Variants in PDE1C observed in about 807,000 individuals in gnomAD.
The protein encoded by PDE1C is dual specificity calcium/calmodulin-dependent 3',5'-cyclic nucleotide phosphodiesterase 1C.
Under a neutral mutation model 93.1 loss-of-function variants are expected in PDE1C, and 62 were observed. The observed-to-expected ratio is 0.67, with a 90% CI of 0.54 to 0.82. The LOEUF is 0.82. Among genes scored for constraint, PDE1C ranks in the 40% least tolerant of loss-of-function variants. PDE1C has a pLI of 0.00. For synonymous variants in PDE1C, 325 were observed against 310.1 expected, an observed-to-expected ratio of 1.05 and a Z score of -0.50; for missense variants, 742 against 884.6, an observed-to-expected ratio of 0.84 and a Z score of 2.04.
chr7:31,643,186 C>G, the PDE1C span: 1 of 1,613,982 alleles, frequency 6.2e-7, no homozygotes, highest in South Asian at 1.1e-5. Flanking sequence ...TGATCATACT[C>G]AAGACAAGTT....
At chr7:32,358,193 T>C (rs1467832552) in intron 1 of PDE1C, among the ~76,000 whole-genome samples, 2 of 152,224 alleles carry the variant, frequency 1.3e-5, no homozygotes, top group African/African-American at 4.8e-5. Flanking sequence ...ACCTAACAAA[T>C]ATTCCCAAAC....
At chr7:31,804,846 C>T (rs185141183) in intron 16 of PDE1C, among the ~76,000 whole-genome samples, 44 of 151,862 alleles carry the variant, frequency 2.9e-4, no homozygotes, top group African/African-American at 1.1e-3. Context: ...GTAAGTAGAA[C>T]CAGTACAGTG....
rs77393425 is a variant in PDE1C at position 32,229,163 on chromosome 7, A to G, written c.86-19624T>C. Among the ~76,000 whole-genome samples the G allele has an allele frequency of 5.9e-3, 900 of 152,306 alleles. 6 individuals carry two copies. The highest frequency in any genetic ancestry group is 0.021 in the African/African-American group (859 of 41,568). Reference sequence around the variant, plus strand: ...TCACATTTCAGAGCAACTTCTCTATATGAGTCCTGGGCTTTTTCCACATTA... The same window carrying G: ...TCACATTTCAGAGCAACTTCTCTATGTGAGTCCTGGGCTTTTTCCACATTA... On this transcript the variant is annotated intron_variant, in intron 1 of 18. Coordinates refer to the PDE1C transcript ENST00000396193.
chr7:32,131,035 G>T (rs368353859), intron 3 of PDE1C, among the ~76,000 whole-genome samples: 1 of 152,072 alleles, frequency 6.6e-6, no homozygotes, highest in Non-Finnish European at 1.5e-5. Context: ...TATGTGAATC[G>T]AGACTGACAC....
downstream of PDE1C, among the ~76,000 whole-genome samples, chr7:31,749,112 A>C (rs1285338369): frequency 2.0e-5 from 3 of 152,144 alleles, no homozygotes; most frequent in African/African-American, 7.2e-5. Flanking sequence ...CTATTTCAAA[A>C]GCTTGGTGGC....
At chr7:32,356,051 C>T (rs922028955) in intron 1 of PDE1C, among the ~76,000 whole-genome samples, 2 of 152,114 alleles carry the variant, frequency 1.3e-5, no homozygotes, top group Non-Finnish European at 2.9e-5. Context: ...ATAGGGGGAA[C>T]CTATGCACAG....
chr7:31,801,662 G>A (rs1221065257), intron 16 of PDE1C, among the ~76,000 whole-genome samples: 1 of 151,446 alleles, frequency 6.6e-6, no homozygotes, highest in Non-Finnish European at 1.5e-5. Context: ...AGTATTTGGT[G>A]CATAAATGTA....
At chr7:31,850,774 T>C (rs1243463205) in intron 7 of PDE1C, 33 bp from the exon 8 acceptor site, 10 of 1,480,706 alleles carry the variant, frequency 6.8e-6, no homozygotes, top group Non-Finnish European at 9.4e-6. Context: ...TCAGATAATC[T>C]GTTTCTTTCT....
chr7:32,160,729 G>C (rs1486124591), intron 3 of PDE1C, among the ~76,000 whole-genome samples: 1 of 152,046 alleles, frequency 6.6e-6, no homozygotes, highest in Non-Finnish European at 1.5e-5. Flanking sequence ...AGAATCACTT[G>C]AACCCAGGAG....
chr7:31,992,780 A>T (rs951719884), intron 2 of PDE1C, among the ~76,000 whole-genome samples: 3 of 152,182 alleles, frequency 2.0e-5, no homozygotes, highest in Admixed American at 1.3e-4. Context: ...TTTTAAACAA[A>T]CACATGCTGA....
At chr7:31,832,733 C>T (rs1440627298) in intron 11 of PDE1C, among the ~76,000 whole-genome samples, 2 of 152,198 alleles carry the variant, frequency 1.3e-5, no homozygotes, top group Non-Finnish European at 2.9e-5. Context: ...CCCTTCCCAA[C>T]AGGCAAGAAA....
At chr7:32,391,586 T>G (rs1218277468) in intron 1 of PDE1C, among the ~76,000 whole-genome samples, 2 of 152,192 alleles carry the variant, frequency 1.3e-5, no homozygotes, top group African/African-American at 4.8e-5. Flanking sequence ...GCAGACTACA[T>G]GCTAGGGCAT....
Position 32,085,459 on chromosome 7 carries a change from T to C in PDE1C, c.308+84326A>G, listed in dbSNP as rs1430891382. Among the ~76,000 whole-genome samples the C allele has an allele frequency of 2.0e-5, 3 of 149,280 alleles. No individual in the cohort carries two copies. The East Asian group carries it at 5.9e-4, about 29-fold the overall frequency. ...ACTGGTACCATTCCTTCTGAAACTATTCCAATCAATAGAAAAAGAGGGAAT... is the reference window on the plus strand; with the variant it reads ...ACTGGTACCATTCCTTCTGAAACTACTCCAATCAATAGAAAAAGAGGGAAT... On this transcript the variant is annotated intron_variant, in intron 3 of 18. Coordinates refer to the PDE1C transcript ENST00000396193.
At chr7:32,282,712 C>T (rs1585074731) in intron 1 of PDE1C, among the ~76,000 whole-genome samples, 1 of 151,262 alleles carries the variant, frequency 6.6e-6, no homozygotes, top group East Asian at 2.0e-4. Flanking sequence ...TCCCGAGTAG[C>T]TGGGACTGCA....
chr7:32,277,848 G>C (rs1189606377), intron 1 of PDE1C, among the ~76,000 whole-genome samples: 1 of 152,146 alleles, frequency 6.6e-6, no homozygotes, highest in Non-Finnish European at 1.5e-5. Context: ...ATTTGTCTTA[G>C]ATAAAGGCAA....
intron 2 of PDE1C, among the ~76,000 whole-genome samples, chr7:31,968,917 T>A (rs185661575): frequency 6.6e-6 from 1 of 152,340 alleles, no homozygotes; most frequent in Admixed American, 6.5e-5. Flanking sequence ...CTGGGAAAAC[T>A]GGCCAGCCAT....
chr7:31,909,462 C>T (rs1347835033), intron 2 of PDE1C, among the ~76,000 whole-genome samples: 1 of 152,076 alleles, frequency 6.6e-6, no homozygotes, highest in Non-Finnish European at 1.5e-5. Flanking sequence ...AGATTCATCA[C>T]TGCAATGATC....
At chr7:32,068,317 G>T (rs1481402685) in intron 1 of PDE1C, among the ~76,000 whole-genome samples, 3 of 152,104 alleles carry the variant, frequency 2.0e-5, no homozygotes, top group Non-Finnish European at 4.4e-5. Context: ...CTGCAAAAAT[G>T]TTATTCCAAG....
At chr7:31,967,663 G>T (rs1336329337) in intron 2 of PDE1C, among the ~76,000 whole-genome samples, 1 of 152,042 alleles carries the variant, frequency 6.6e-6, no homozygotes, top group Non-Finnish European at 1.5e-5. Flanking sequence ...ACAAACAAGA[G>T]AATTTTAGAC....
Sources: allele counts gnomAD v4.1 joint callset (sites outside exome capture counted in the v4.1 genomes callset), GRCh38; gene constraint gnomAD v4.1.1; transcripts MANE v1.5; gene names NCBI Gene and HGNC (gene_info 2026-07-23, HGNC 2026-07-21).